Variants in E2F3 observed in about 807,000 individuals in gnomAD.
The protein encoded by E2F3 is transcription factor E2F3.
Under a neutral mutation model 44.4 loss-of-function variants are expected in E2F3, and 11 were observed. That is an observed-to-expected ratio of 0.25 (90% CI 0.16 to 0.41). The LOEUF (loss-of-function observed/expected upper bound fraction) is 0.41, where lower values mean the gene tolerates loss of function less well. Among genes scored for constraint, E2F3 ranks in the 10% least tolerant of loss-of-function variants. The pLI is 1.00. For synonymous variants in E2F3, 249 were observed against 253.0 expected (o/e 0.98, Z 0.15); for missense variants, 487 against 583.6 (o/e 0.83, Z 1.70).
chr6:20,479,251 G>A (rs574223134), intron 1 of E2F3, among the ~76,000 whole-genome samples: 86 of 152,316 alleles, frequency 5.6e-4, no homozygotes, highest in Middle Eastern at 6.8e-3. Flanking sequence ...TGAATATACA[G>A]TATATAGAGA....
rs1211456172 is a variant in E2F3, at chr6:20,492,805, G to T, written c.*2375G>T. The T allele has an allele frequency of 4.4e-6, 1 of 227,250 alleles. No homozygotes were observed. The highest frequency in any genetic ancestry group is 1.8e-4 in the South Asian group (1 of 5,468). 14.1% of individuals were successfully genotyped at this position (227,250 alleles called of 1,614,324 possible). ...TAATTAGATGTCCATACTGTATTTT[G>T]TTTGCATTAAGTAATTTTCTTTTTG... On this transcript the variant is annotated 3_prime_UTR_variant, in exon 7 of 7. Coordinates refer to ENST00000346618, the MANE Select transcript of E2F3 (RefSeq NM_001949.5).
At chr6:20,474,107 G>A (rs994408526) in intron 1 of E2F3, among the ~76,000 whole-genome samples, 4 of 139,808 alleles carry the variant, frequency 2.9e-5, no homozygotes, top group Admixed American at 7.2e-5. Context: ...GTTTTTTTTC[G>A]TTTTGAGAGA....
chr6:20,467,428 A>G (rs1164426621), intron 1 of E2F3, among the ~76,000 whole-genome samples: 1 of 152,234 alleles, frequency 6.6e-6, no homozygotes, highest in African/African-American at 2.4e-5. Flanking sequence ...CTCACAGTGC[A>G]TTTTAGTAAA....
intron 4 of E2F3, among the ~76,000 whole-genome samples, chr6:20,485,803 A>G (rs919176773): frequency 6.6e-6 from 1 of 152,210 alleles, no homozygotes; most frequent in Non-Finnish European, 1.5e-5. Flanking sequence ...AATCACAACC[A>G]GCCCAGGTGC....
At chr6:20,487,227 G>A (rs2127626419) in intron 5 of E2F3, among the ~76,000 whole-genome samples, 1 of 152,294 alleles carries the variant, frequency 6.6e-6, no homozygotes, top group South Asian at 2.1e-4. Flanking sequence ...TGGGTTAGCT[G>A]ATAGACTAGA....
At chr6:20,484,480 C>T (rs1421492035) in intron 4 of E2F3, among the ~76,000 whole-genome samples, 5 of 152,156 alleles carry the variant, frequency 3.3e-5, no homozygotes, top group African/African-American at 9.7e-5. Flanking sequence ...TCTTGTCATA[C>T]AGCTTTTTGA....
chr6:20,458,522 G>A (rs987789188), intron 1 of E2F3, among the ~76,000 whole-genome samples: 1 of 152,128 alleles, frequency 6.6e-6, no homozygotes, highest in South Asian at 2.1e-4. Flanking sequence ...GGTGCTTGCC[G>A]GTGGACCTTG....
At chr6:20,484,152 AT>A (rs776249055) in intron 4 of E2F3, among the ~76,000 whole-genome samples, 1 of 152,212 alleles carries the variant, frequency 6.6e-6, no homozygotes, top group Non-Finnish European at 1.5e-5. Context: ...CATGTGGCTT[AT>A]GGCATTGTCA....
At chr6:20,457,606 ACT>A (rs1359708180) in intron 1 of E2F3, among the ~76,000 whole-genome samples, 1 of 151,930 alleles carries the variant, frequency 6.6e-6, no homozygotes, top group Non-Finnish European at 1.5e-5. Context: ...GAAAATAAAC[ACT>A]CATAAAAAGG....
intron 1 of E2F3, among the ~76,000 whole-genome samples, chr6:20,478,122 C>T (rs1762106453): frequency 6.6e-6 from 1 of 152,064 alleles, no homozygotes; most frequent in Non-Finnish European, 1.5e-5. Flanking sequence ...TTCCTTGAGC[C>T]TGGGAGGACA....
chr6:20,420,223 T>G (rs941148039), intron 1 of E2F3, among the ~76,000 whole-genome samples: 6 of 152,212 alleles, frequency 3.9e-5, no homozygotes, highest in Non-Finnish European at 7.3e-5. Flanking sequence ...AATCACTAAT[T>G]TAAACCTTAA....
In E2F3 at chr6:20,492,966, G is replaced by A. The variant is rs1267394354; in HGVS notation, c.*2536G>A. 4.6e-6 allele frequency: 1 copy of A among 215,646 alleles called. No individual in the cohort carries two copies. The highest frequency in any genetic ancestry group is 9.4e-6 in the Non-Finnish European group (1 of 106,800). The allele number at this position is 215,646 out of a possible 1,614,324, so 13.4% of individuals were successfully genotyped here. On this transcript the variant is annotated 3_prime_UTR_variant, in exon 7 of 7. Transcript: ENST00000346618. ...CACGAAATGGCTAAAAGTTACAAGT[G>A]TGCAAATTATGACTGCGTGAGCCTT...
At chr6:20,481,522 C>A in intron 3 of E2F3, 97 bp downstream of exon 3, 1 of 1,049,344 alleles carries the variant, frequency 9.5e-7, no homozygotes, top group Non-Finnish European at 1.4e-6. Context: ...CCCACACGTT[C>A]TTTTCTTTTC....
chr6:20,470,670 A>G (rs757038879), intron 1 of E2F3, among the ~76,000 whole-genome samples: 1 of 152,184 alleles, frequency 6.6e-6, no homozygotes, highest in Non-Finnish European at 1.5e-5. Context: ...AAAAGGTATC[A>G]TCTATCAAGT....
intron 1 of E2F3, 102 bp from the exon 2 acceptor site, chr6:20,479,744 T>C: frequency 1.1e-6 from 1 of 911,156 alleles, no homozygotes; most frequent in Non-Finnish European, 1.7e-6. Flanking sequence ...GGGTGAGAGC[T>C]GGCATGAGCC....
At chr6:20,457,346 T>TC (rs1761340247) in intron 1 of E2F3, among the ~76,000 whole-genome samples, 3 of 96,574 alleles carry the variant, frequency 3.1e-5, no homozygotes. Flanking sequence ...AGCTTATTTT[T>TC]TCTTTTTTTT....
intron 1 of E2F3, among the ~76,000 whole-genome samples, chr6:20,424,541 C>T (rs948934200): frequency 1.3e-5 from 2 of 152,004 alleles, no homozygotes; most frequent in Admixed American, 6.5e-5. Context: ...AATACAGTAG[C>T]TTTGTGATAT....
chr6:20,469,575 A>G (rs1047938484), intron 1 of E2F3, among the ~76,000 whole-genome samples: 2 of 152,250 alleles, frequency 1.3e-5, no homozygotes, highest in African/African-American at 4.8e-5. Context: ...TTTTATTCCA[A>G]AAGTTCTAAG....
chr6:20,406,556 C>T (rs1201328377), intron 1 of E2F3, among the ~76,000 whole-genome samples: 1 of 152,128 alleles, frequency 6.6e-6, no homozygotes, highest in Non-Finnish European at 1.5e-5. Context: ...TTAATTTGGG[C>T]TTTTAAATAT....
Sources: gnomAD v4.1 joint callset for allele counts (sites outside exome capture counted in the v4.1 genomes callset) on GRCh38, gnomAD v4.1.1 for gene constraint, MANE v1.5 for transcripts, NCBI Gene and HGNC (gene_info 2026-07-23, HGNC 2026-07-21) for gene names.